The following BLTP3B variants were observed in gnomAD, a reference collection of about 807,000 sequenced individuals.
BLTP3B encodes UHRF1 (ICBP90) binding protein 1-like.
chr12:100,088,330 C>T, the BLTP3B span, among the ~76,000 whole-genome samples: 1 of 152,090 alleles, frequency 6.6e-6, no homozygotes, highest in Non-Finnish European at 1.5e-5. Flanking sequence ...ACAAAAACGC[C>T]CAGCGCCTAG....
the BLTP3B span, among the ~76,000 whole-genome samples, chr12:100,121,486 G>C: frequency 1.1e-4 from 16 of 152,072 alleles, no homozygotes; most frequent in Non-Finnish European, 2.1e-4. Flanking sequence ...TGAGGGTGGT[G>C]AATATTCATT....
At chr12:100,086,984 C>T in the BLTP3B span, among the ~76,000 whole-genome samples, 7 of 151,914 alleles carry the variant, frequency 4.6e-5, no homozygotes, top group Non-Finnish European at 5.9e-5. Flanking sequence ...CATAGTGAAA[C>T]TCCGTCTCTA....
the BLTP3B span, chr12:100,050,061 T>C: frequency 8.9e-7 from 1 of 1,121,866 alleles, no homozygotes; most frequent in South Asian, 2.4e-5. Context: ...AATGTAATTT[T>C]CCTTGAATTC....
chr12:100,138,866 TAC>T, the BLTP3B span, among the ~76,000 whole-genome samples: 1,072 of 150,382 alleles, frequency 7.1e-3, 9 homozygotes, highest in African/African-American at 0.021. Context: ...CACATACACA[TAC>T]ACACACACAC....
At chr12:100,095,973 C>T in the BLTP3B span, 80 of 900,644 alleles carry the variant, frequency 8.9e-5, no homozygotes, top group Middle Eastern at 3.6e-4. Flanking sequence ...ATTTACTGGC[C>T]GGGCACGGTG....
At chr12:100,074,354 G>A in the BLTP3B span, among the ~76,000 whole-genome samples, 43 of 152,152 alleles carry the variant, frequency 2.8e-4, no homozygotes, top group Middle Eastern at 3.4e-3. Context: ...ATCCCAGCAC[G>A]GTGAGAGGCT....
At chr12:100,138,057 T>A in the BLTP3B span, among the ~76,000 whole-genome samples, 1 of 152,148 alleles carries the variant, frequency 6.6e-6, no homozygotes, top group South Asian at 2.1e-4. Context: ...CAACCAGGAG[T>A]AATTTTGCCT....
At chr12:100,052,859 T>A in the BLTP3B span, among the ~76,000 whole-genome samples, 1 of 147,762 alleles carries the variant, frequency 6.8e-6, no homozygotes, top group Non-Finnish European at 1.5e-5. Context: ...AGTGGTGCGA[T>A]CTCTGCTCAC....
At chr12:100,057,933 T>A in the BLTP3B span, 1 of 1,401,456 alleles carries the variant, frequency 7.1e-7, no homozygotes, top group Non-Finnish European at 9.6e-7. Context: ...CCATATTTTG[T>A]CATGAGCTTT....
chr12:100,132,920 C>T, the BLTP3B span, among the ~76,000 whole-genome samples: 548 of 151,850 alleles, frequency 3.6e-3, 5 homozygotes, highest in African/African-American at 0.013. Flanking sequence ...TATTCTCCAG[C>T]CTGAGCAACA....
At chr12:100,075,412 T>C in the BLTP3B span, among the ~76,000 whole-genome samples, 2 of 152,280 alleles carry the variant, frequency 1.3e-5, no homozygotes, top group African/African-American at 2.4e-5. Context: ...GAAATACCAT[T>C]CTGGACATAG....
chr12:100,094,419 T>G, the BLTP3B span, among the ~76,000 whole-genome samples: 1 of 152,176 alleles, frequency 6.6e-6, no homozygotes, highest in South Asian at 2.1e-4. Flanking sequence ...CTTATAAAGA[T>G]TTGTTTCATA....
At chr12:100,070,481 T>C in the BLTP3B span, among the ~76,000 whole-genome samples, 1 of 151,940 alleles carries the variant, frequency 6.6e-6, no homozygotes, top group Non-Finnish European at 1.5e-5. Context: ...GGTCTTGAAC[T>C]CCTGACCTCA....
the BLTP3B span, chr12:100,084,733 T>G: frequency 7.0e-7 from 1 of 1,423,274 alleles, no homozygotes. Context: ...ATGCTTCCAA[T>G]GAGATTTAGT....
chr12:100,042,354 C>T, the BLTP3B span, among the ~76,000 whole-genome samples: 25 of 151,936 alleles, frequency 1.6e-4, no homozygotes, highest in African/African-American at 4.6e-4. Flanking sequence ...TAAAGTTGGA[C>T]GACTCACATG....
chr12:100,088,676 C>G, the BLTP3B span, among the ~76,000 whole-genome samples: 1 of 152,090 alleles, frequency 6.6e-6, no homozygotes, highest in Non-Finnish European at 1.5e-5. Context: ...TTTTTTAAAG[C>G]TAATTTTATT....
the BLTP3B span, among the ~76,000 whole-genome samples, chr12:100,055,277 C>T: frequency 7.9e-5 from 12 of 152,246 alleles, no homozygotes; most frequent in Admixed American, 7.2e-4. Context: ...CTTTGTTTGC[C>T]TCACCTTTAA....
the BLTP3B span, among the ~76,000 whole-genome samples, chr12:100,100,682 A>C: frequency 6.6e-6 from 1 of 151,764 alleles, no homozygotes; most frequent in Non-Finnish European, 1.5e-5. Context: ...ACTGCATTCC[A>C]GCCTGGGCAA....
chr12:100,064,402 C>T, the BLTP3B span, among the ~76,000 whole-genome samples: 1 of 152,154 alleles, frequency 6.6e-6, no homozygotes, highest in African/African-American at 2.4e-5. Flanking sequence ...GACCTTGCTA[C>T]AGACCTAGAC....
Sources: allele counts gnomAD v4.1 joint callset (sites outside exome capture counted in the v4.1 genomes callset), GRCh38; gene constraint gnomAD v4.1.1; transcripts MANE v1.5; gene names NCBI Gene and HGNC (gene_info 2026-07-23, HGNC 2026-07-21).